LARGE1: variants seen among roughly 807,000 people sequenced by gnomAD.
LARGE1 encodes the protein xylosyl- and glucuronyltransferase LARGE1.
A neutral mutation model predicts 87.6 loss-of-function variants in LARGE1; 43 were observed. The observed-to-expected ratio is 0.49, with a 90% CI of 0.38 to 0.63. LARGE1 has a LOEUF of 0.63. Among genes scored for constraint, LARGE1 ranks in the 30% least tolerant of loss-of-function variants. The probability of loss-of-function intolerance (pLI) is 0.00; values close to 1 mark genes in which losing one functional copy is unlikely to be tolerated. For synonymous variants in LARGE1, 434 were observed against 394.6 expected (o/e 1.10, Z -1.18); for missense variants, 802 against 1,000.2 (o/e 0.80, Z 2.67).
chr22:33,076,860 G>A, the LARGE1 span, among the ~76,000 whole-genome samples: 1 of 152,104 alleles, frequency 6.6e-6, no homozygotes, highest in Non-Finnish European at 1.5e-5. Flanking sequence ...ATTCTCAATG[G>A]ATTTTCTTTT....
intron 7 of LARGE1, among the ~76,000 whole-genome samples, chr22:33,391,818 G>A (rs1401125500): frequency 4.1e-5 from 6 of 145,740 alleles, no homozygotes; most frequent in African/African-American, 1.5e-4. Context: ...CGCTCAGGCA[G>A]GAGTGCAATG....
chr22:33,608,121 C>T (rs534395388), intron 4 of LARGE1, among the ~76,000 whole-genome samples: 4 of 152,262 alleles, frequency 2.6e-5, no homozygotes, highest in Admixed American at 2.0e-4. Context: ...ACGACTGTCT[C>T]CCAAGGCCAC....
chr22:33,177,219 G>T (rs1010775101), intron 11 of LARGE1, among the ~76,000 whole-genome samples: 3 of 152,078 alleles, frequency 2.0e-5, no homozygotes, highest in African/African-American at 7.2e-5. Context: ...ATGGGTTGAT[G>T]GGTGCAGCAA....
the LARGE1 span, among the ~76,000 whole-genome samples, chr22:33,124,179 C>T: frequency 6.6e-5 from 10 of 151,804 alleles, no homozygotes; most frequent in African/African-American, 2.2e-4. Flanking sequence ...ATCAGCTACT[C>T]GAGCGGCTGA....
At chr22:33,757,950 G>C (rs1043223144) in intron 2 of LARGE1, among the ~76,000 whole-genome samples, 1 of 152,066 alleles carries the variant, frequency 6.6e-6, no homozygotes, top group Non-Finnish European at 1.5e-5. Flanking sequence ...AGGATCTCTG[G>C]GTCAGGCAGG....
At chr22:33,472,572 T>C (rs1238285149) in intron 6 of LARGE1, among the ~76,000 whole-genome samples, 4 of 152,196 alleles carry the variant, frequency 2.6e-5, no homozygotes, top group Non-Finnish European at 5.9e-5. Context: ...ATCAACATTC[T>C]GCACTCTACA....
chr22:33,224,252 C>T (rs1453608489), intron 11 of LARGE1, among the ~76,000 whole-genome samples: 1 of 150,974 alleles, frequency 6.6e-6, no homozygotes, highest in East Asian at 1.9e-4. Flanking sequence ...GGTGACAGAG[C>T]AAGACTCTGT....
intron 12 of LARGE1, among the ~76,000 whole-genome samples, chr22:33,290,666 C>T (rs1019212253): frequency 6.6e-6 from 1 of 152,094 alleles, no homozygotes; most frequent in African/African-American, 2.4e-5. Flanking sequence ...ACATGGAGGT[C>T]GCTGGTGGCA....
chr22:33,134,584 A>G, the LARGE1 span, among the ~76,000 whole-genome samples: 3 of 151,966 alleles, frequency 2.0e-5, no homozygotes, highest in South Asian at 4.1e-4. Flanking sequence ...TCCACATTCT[A>G]TGTTTTAGGA....
At chr22:33,809,056 G>A (rs1288503754) in intron 1 of LARGE1, among the ~76,000 whole-genome samples, 1 of 143,452 alleles carries the variant, frequency 7.0e-6, no homozygotes, top group Non-Finnish European at 1.5e-5. Flanking sequence ...CGGATCACCC[G>A]AGGTCAGGAG....
chr22:33,648,576 G>A (rs1194437462), intron 3 of LARGE1, among the ~76,000 whole-genome samples: 1 of 152,154 alleles, frequency 6.6e-6, no homozygotes, highest in African/African-American at 2.4e-5. Flanking sequence ...CCTTCACCAA[G>A]GCAAGAACAG....
intron 2 of LARGE1, among the ~76,000 whole-genome samples, chr22:33,717,721 T>C (rs2082954204): frequency 3.3e-5 from 5 of 152,210 alleles, no homozygotes; most frequent in Admixed American, 3.3e-4. Flanking sequence ...ATTTCTGTGA[T>C]GTGACAAATG....
intron 7 of LARGE1, among the ~76,000 whole-genome samples, chr22:33,391,611 T>A (rs915736811): frequency 2.0e-5 from 3 of 152,064 alleles, no homozygotes; most frequent in Non-Finnish European, 4.4e-5. Flanking sequence ...GTCCACCACA[T>A]CTGAACTGCA....
At chr22:33,785,666 T>C (rs1232958788) in intron 1 of LARGE1, among the ~76,000 whole-genome samples, 1 of 152,234 alleles carries the variant, frequency 6.6e-6, no homozygotes, top group Non-Finnish European at 1.5e-5. Context: ...CATAATTTGT[T>C]CATTTACAAA....
chr22:33,393,283 C>T (rs1392618853), intron 7 of LARGE1, among the ~76,000 whole-genome samples: 1 of 152,164 alleles, frequency 6.6e-6, no homozygotes, highest in Non-Finnish European at 1.5e-5. Flanking sequence ...TCCTATGGGG[C>T]TGCGGAAATA....
chr22:33,384,507 G>A (rs751174769), intron 7 of LARGE1, among the ~76,000 whole-genome samples: 5 of 124,920 alleles, frequency 4.0e-5, no homozygotes, highest in Admixed American at 1.5e-4. Flanking sequence ...TTTTGGAGAC[G>A]AATACACCTG....
chr22:33,723,757 T>TC (rs1392607500), intron 2 of LARGE1: 1 of 152,162 alleles, frequency 6.6e-6, no homozygotes, highest in African/African-American at 2.4e-5. Context: ...TGATGGTCTC[T>TC]CTGCGGGACC....
intron 11 of LARGE1, among the ~76,000 whole-genome samples, chr22:33,206,921 TAGTC>T (rs1924716507): frequency 6.6e-6 from 1 of 152,240 alleles, no homozygotes; most frequent in Non-Finnish European, 1.5e-5. Context: ...CCAGCCCAGT[TAGTC>T]CAGTTTAAAA....
chr22:33,403,518 G>A (rs574573596), intron 7 of LARGE1, among the ~76,000 whole-genome samples: 2 of 152,156 alleles, frequency 1.3e-5, no homozygotes, highest in East Asian at 3.9e-4. Flanking sequence ...GTTCTGCAGT[G>A]TTGTAAACAC....
Sources: gnomAD v4.1 joint callset for allele counts (sites outside exome capture counted in the v4.1 genomes callset) on GRCh38, gnomAD v4.1.1 for gene constraint, MANE v1.5 for transcripts, NCBI Gene and HGNC (gene_info 2026-07-23, HGNC 2026-07-21) for gene names.